TMEM178B: variants seen among roughly 807,000 people sequenced by gnomAD.
TMEM178B encodes the protein transmembrane protein 178B.
TMEM178B carries 5 observed loss-of-function variants against 31.0 expected under a neutral mutation model. The ratio of observed to expected loss-of-function variants is 0.16; its 90% confidence interval spans 0.08 to 0.34. TMEM178B has a LOEUF of 0.34. Ranked by LOEUF, TMEM178B falls within the 10% of genes least tolerant of loss-of-function variation. The pLI is 1.00. For missense variants in TMEM178B, 275 were observed against 400.3 expected (o/e 0.69, Z 2.67); for synonymous variants, 164 against 164.0 (o/e 1.00, Z 0.00).
intron 3 of TMEM178B, among the ~76,000 whole-genome samples, chr7:141,453,761 C>T (rs1283972257): frequency 1.1e-4 from 17 of 152,218 alleles, no homozygotes; most frequent in Admixed American, 1.1e-3. Flanking sequence ...AAGGAAACTG[C>T]TCCTAGACCT....
At chr7:141,392,528 A>G (rs554360327) in intron 2 of TMEM178B, among the ~76,000 whole-genome samples, 1 of 152,316 alleles carries the variant, frequency 6.6e-6, no homozygotes, top group Non-Finnish European at 1.5e-5. Context: ...ATACATCAGC[A>G]TACCTACATA....
rs1795168758 is a variant in TMEM178B at position 141,107,722 on chromosome 7, G to T, written c.382+33030G>T. ...TCAGAGAGTAGGCACTTGGATATAT[G>T]TGTCTAGAGTTTAGCAGAACAATCT... On this transcript the variant is annotated intron_variant, in intron 1 of 3. Coordinates refer to ENST00000565468, the MANE Select transcript of TMEM178B (RefSeq NM_001195278.2). Among the ~76,000 whole-genome samples the T allele has an allele frequency of 2.0e-5, 3 of 152,186 alleles. 1 individual carries two copies. The highest frequency in any genetic ancestry group is 2.0e-4 in the Admixed American group (3 of 15,270).
intron 2 of TMEM178B, among the ~76,000 whole-genome samples, chr7:141,230,928 C>G (rs1429414148): frequency 6.6e-6 from 1 of 152,154 alleles, no homozygotes. Flanking sequence ...TCTCAAATTC[C>G]TGGCCTCAAG....
At chr7:141,400,834 CAG>C (rs2116618850) in intron 2 of TMEM178B, among the ~76,000 whole-genome samples, 1 of 152,296 alleles carries the variant, frequency 6.6e-6, no homozygotes, top group South Asian at 2.1e-4. Flanking sequence ...ACAAGAAACA[CAG>C]AGTGTGCAAG....
chr7:141,076,875 G>A (rs184899644), intron 1 of TMEM178B, among the ~76,000 whole-genome samples: 16 of 152,256 alleles, frequency 1.1e-4, no homozygotes, highest in Admixed American at 1.0e-3. Flanking sequence ...GCTTACCATG[G>A]CTGTTTCTGT....
chr7:141,508,922 G>A, the TMEM178B span, among the ~76,000 whole-genome samples: 19,890 of 152,220 alleles, frequency 0.13, 4,004 homozygotes, highest in African/African-American at 0.43. Context: ...GACTCCTTCC[G>A]TGGGACAATG....
intron 1 of TMEM178B, among the ~76,000 whole-genome samples, chr7:141,194,957 C>T (rs541845329): frequency 1.3e-5 from 2 of 152,304 alleles, no homozygotes; most frequent in East Asian, 3.9e-4. Context: ...CCACACCCAA[C>T]CTGTACATCA....
intron 2 of TMEM178B, among the ~76,000 whole-genome samples, chr7:141,345,048 A>C (rs1304891936): frequency 6.6e-6 from 1 of 152,246 alleles, no homozygotes; most frequent in African/African-American, 2.4e-5. Context: ...TCGCATACAA[A>C]TATGTCATGA....
intron 2 of TMEM178B, among the ~76,000 whole-genome samples, chr7:141,247,603 A>G (rs1797758668): frequency 6.6e-6 from 1 of 151,986 alleles, no homozygotes; most frequent in South Asian, 2.1e-4. Context: ...GGGAAAGAGG[A>G]TGGAGCCATG....
At position 141,130,131 on chromosome 7, in the gene TMEM178B, A is replaced by G. The variant is rs185588983; in HGVS notation, c.382+55439A>G. ...GGGCCTGAAAGAGAAAGATTTAGCT[A>G]TATTAATAGAGATTCTTTAAAAATG... On this transcript the variant is annotated intron_variant, in intron 1 of 3. Transcript: ENST00000565468. Among the ~76,000 whole-genome samples the G allele has an allele frequency of 5.5e-3, 840 of 152,348 alleles. 11 individuals are homozygous for G. The highest frequency in any genetic ancestry group is 0.019 in the African/African-American group (806 of 41,578).
chr7:141,389,513 A>T (rs1376099383), intron 2 of TMEM178B, among the ~76,000 whole-genome samples: 2 of 152,254 alleles, frequency 1.3e-5, no homozygotes, highest in African/African-American at 4.8e-5. Context: ...TTATGTGTTT[A>T]TCACTTACAG....
At position 141,422,773 on chromosome 7, in the gene TMEM178B, G is replaced by A. The variant is rs1218870908; in HGVS notation, c.497-14835G>A. Among the ~76,000 whole-genome samples, 1 of 152,124 alleles carries A rather than the reference G, an allele frequency of 6.6e-6. No individual in the cohort carries two copies. The highest frequency in any genetic ancestry group is 2.4e-5 in the African/African-American group (1 of 41,400). On this transcript the variant is annotated intron_variant, in intron 2 of 3. Transcript: ENST00000565468. This position sits in a 1 kb window ranked among gnomAD's most constrained non-coding sequence, Gnocchi z 4.2. ...TGGAGTGGGGAAGCTCCCATGGGGA[G>A]AGAATAGAAATGCAAGAAACTGTCA...
At chr7:141,291,027 T>C (rs189166216) in intron 2 of TMEM178B, among the ~76,000 whole-genome samples, 205 of 152,360 alleles carry the variant, frequency 1.3e-3, no homozygotes, top group Non-Finnish European at 2.2e-3. Flanking sequence ...AATTGCTTTC[T>C]CTACCATTTG....
intron 2 of TMEM178B, among the ~76,000 whole-genome samples, chr7:141,219,422 C>G (rs1238062156): frequency 6.6e-6 from 1 of 152,164 alleles, no homozygotes; most frequent in African/African-American, 2.4e-5. Flanking sequence ...CAGTATGAGG[C>G]TCTTACTGTT....
chr7:141,150,991 T>C (rs530412325), intron 1 of TMEM178B, among the ~76,000 whole-genome samples: 2 of 152,190 alleles, frequency 1.3e-5, no homozygotes, highest in Non-Finnish European at 2.9e-5. Flanking sequence ...TAATACATCA[T>C]TCATGAAATG....
chr7:141,510,965 T>G, the TMEM178B span, among the ~76,000 whole-genome samples: 2 of 152,076 alleles, frequency 1.3e-5, no homozygotes, highest in Admixed American at 6.5e-5. Context: ...GGACCATTAC[T>G]TCACTGTTGA....
chr7:141,268,423 G>C (rs186094413), intron 2 of TMEM178B, among the ~76,000 whole-genome samples: 35 of 152,364 alleles, frequency 2.3e-4, no homozygotes, highest in African/African-American at 7.9e-4. Context: ...GATGAAGCCT[G>C]CAGCAGCAGG....
chr7:141,403,259 GC>G (rs1374763960), intron 2 of TMEM178B, among the ~76,000 whole-genome samples: 3 of 152,168 alleles, frequency 2.0e-5, no homozygotes, highest in Admixed American at 1.3e-4. Context: ...TATCACGGGG[GC>G]CTCATCAGAC....
In TMEM178B at chr7:141,282,676, G is replaced by A. The variant is rs185654536; in HGVS notation, c.496+69972G>A. Among the ~76,000 whole-genome samples, 33 of 152,322 alleles carry A rather than the reference G, an allele frequency of 2.2e-4. No homozygotes were observed. The East Asian group carries it at 5.8e-3, about 27-fold the overall frequency. The stretch of plus-strand genomic sequence containing the variant: ...CGCATGAGAGGTATTGACTTAGTAT[G>A]AGTCCCTGGAGAGGAATGCTAGTGA... On this transcript the variant is annotated intron_variant, in intron 2 of 3. Transcript: ENST00000565468.
Sources: allele counts gnomAD v4.1 joint callset (sites outside exome capture counted in the v4.1 genomes callset), GRCh38; gene constraint gnomAD v4.1.1; non-coding constraint Gnocchi (gnomAD v3.1); transcripts MANE v1.5; gene names NCBI Gene and HGNC (gene_info 2026-07-23, HGNC 2026-07-21).